Variants in RAI1 observed in about 807,000 individuals in gnomAD.
The protein encoded by RAI1 is retinoic acid induced 1.
RAI1 carries 9 observed loss-of-function variants against 123.8 expected under a neutral mutation model. That is an observed-to-expected ratio of 0.07 (90% CI 0.04 to 0.13). RAI1 has a LOEUF of 0.13. Ranked by LOEUF, RAI1 falls within the 10% of genes least tolerant of loss-of-function variation. The pLI is 1.00. For missense variants in RAI1, 2,256 were observed against 2,545.8 expected, an observed-to-expected ratio of 0.89 and a Z score of 2.45; for synonymous variants, 1,231 against 1,127.3, an observed-to-expected ratio of 1.09 and a Z score of -1.84.
chr17:17,776,126 C>A (rs529402605), intron 2 of RAI1, among the ~76,000 whole-genome samples: 11 of 152,332 alleles, frequency 7.2e-5, no homozygotes, highest in African/African-American at 1.4e-4. Context: ...TTGCAGGACG[C>A]AGGGGAGCTG....
chr17:17,747,529 C>G (rs2029974949), intron 2 of RAI1, among the ~76,000 whole-genome samples: 1 of 152,192 alleles, frequency 6.6e-6, no homozygotes, highest in African/African-American at 2.4e-5. Flanking sequence ...CCATCCTGGG[C>G]TGAGAACGAA....
At chr17:17,804,936 C>G (rs920828504) in intron 4 of RAI1, among the ~76,000 whole-genome samples, 2 of 152,100 alleles carry the variant, frequency 1.3e-5, no homozygotes, top group African/African-American at 4.8e-5. Flanking sequence ...GATCTTGGCT[C>G]ACTGCAACCT....
chr17:17,783,268 G>C (rs1274530661), intron 2 of RAI1, among the ~76,000 whole-genome samples: 2 of 152,052 alleles, frequency 1.3e-5, no homozygotes, highest in African/African-American at 4.8e-5. Flanking sequence ...GGCGCCCTTC[G>C]CCGGCGGAGA....
At chr17:17,756,237 G>A (rs1395360147) in intron 2 of RAI1, among the ~76,000 whole-genome samples, 3 of 148,492 alleles carry the variant, frequency 2.0e-5, no homozygotes, top group Non-Finnish European at 3.0e-5. Context: ...TGCTCTTGTT[G>A]CCCAGGCTGG....
intron 1 of RAI1, among the ~76,000 whole-genome samples, chr17:17,708,313 CCT>C (rs988880828): frequency 3.3e-5 from 5 of 152,082 alleles, no homozygotes; most frequent in African/African-American, 1.2e-4. Context: ...CTTAGCAAGC[CCT>C]TTTTTCTCCA....
chr17:17,766,947 T>G (rs1598064542), intron 2 of RAI1, among the ~76,000 whole-genome samples: 3 of 112,072 alleles, frequency 2.7e-5, no homozygotes, highest in Admixed American at 9.7e-5. Context: ...GAGGGTGGGG[T>G]GGTGTGAGTC....
chr17:17,725,135 TG>T (rs905138854), intron 2 of RAI1, among the ~76,000 whole-genome samples: 5 of 22,178 alleles, frequency 2.3e-4, no homozygotes, highest in African/African-American at 9.9e-4. Context: ...GGGAGGGGGC[TG>T]GGGGGTGGGC....
At chr17:17,687,280 C>A (rs377059736) in intron 1 of RAI1, among the ~76,000 whole-genome samples, 1 of 152,130 alleles carries the variant, frequency 6.6e-6, no homozygotes, top group East Asian at 1.9e-4. Flanking sequence ...ATGTGTTAGG[C>A]ACTATGGTGG....
chr17:17,696,457 A>G (rs140291370), intron 1 of RAI1, among the ~76,000 whole-genome samples: 2,330 of 152,256 alleles, frequency 0.015, 58 homozygotes, highest in African/African-American at 0.053. Flanking sequence ...CTGTTTAGGT[A>G]TGCCATCATT....
At chr17:17,695,401 G>A (rs149956304) in intron 1 of RAI1, among the ~76,000 whole-genome samples, 4 of 152,096 alleles carry the variant, frequency 2.6e-5, no homozygotes, top group Non-Finnish European at 4.4e-5. Flanking sequence ...CGGGCACCCC[G>A]CCTGCCCTGG....
In RAI1 at chr17:17,793,313, G is replaced by T; in HGVS notation, c.365G>T (p.Gly122Val). ...GGTGAGGAGAGCCTTCAGGCTTGGG[G>T]GGCCCCACAGCCACCACCCCCACAG... is the stretch of plus-strand genomic sequence containing the variant. ...YAGEESLQAW[G>V]APQPPPPQPQ... Residue 122 changes from glycine (G) to valine (V), a missense_variant, in exon 3 of 6, where the codon GGG (glycine) becomes GTG (valine). Gly to Val is a moderately radical substitution (Grantham distance 109). Coordinates refer to ENST00000353383, the MANE Select transcript of RAI1 (RefSeq NM_030665.4). 1 of 1,612,460 alleles carries T rather than the reference G, an allele frequency of 6.2e-7. No individual in the cohort carries two copies. The highest frequency in any genetic ancestry group is 8.5e-7 in the Non-Finnish European group (1 of 1,179,736).
In RAI1 at chr17:17,792,382, G is replaced by A. The variant is rs564413412; in HGVS notation, c.-16-551G>A. On this transcript the variant is annotated intron_variant, in intron 2 of 5. Transcript: ENST00000353383. ...ATGCTTGTGTGCACGCATGTGCGTG[G>A]GGACAGGGGCAGACCCTCCTCAGTC... Among the ~76,000 whole-genome samples, 904 of 152,262 alleles carry A rather than the reference G, an allele frequency of 5.9e-3. 7 individuals are homozygous for A. The highest frequency in any genetic ancestry group is 0.01 in the Non-Finnish European group (703 of 68,016).
intron 1 of RAI1, among the ~76,000 whole-genome samples, chr17:17,709,841 C>T (rs1567838955): frequency 6.6e-6 from 1 of 152,270 alleles, no homozygotes; most frequent in East Asian, 1.9e-4. Flanking sequence ...TTTCATGGAG[C>T]CAGATAGAAT....
intron 1 of RAI1, among the ~76,000 whole-genome samples, chr17:17,721,435 C>CA (rs1361802182): frequency 1.3e-5 from 2 of 152,102 alleles, no homozygotes; most frequent in Admixed American, 1.3e-4. Context: ...AACAGCATTC[C>CA]AGGCAGATGG....
At position 17,767,863 on chromosome 17, in the gene RAI1, A is replaced by C. The variant is rs116721784; in HGVS notation, c.-16-25070A>C. ...GTGGCAGGGTGGGCACAGGGCTGGC[A>C]CTGCCACCAAGTACGTAGTTGAGCC... On this transcript the variant is annotated intron_variant, in intron 2 of 5. Coordinates refer to ENST00000353383, the MANE Select transcript of RAI1 (RefSeq NM_030665.4). Among the ~76,000 whole-genome samples the C allele has an allele frequency of 7.4e-3, 1,130 of 152,166 alleles. 12 individuals are homozygous for C. The highest frequency in any genetic ancestry group is 0.026 in the African/African-American group (1,074 of 41,516).
At chr17:17,784,967 G>A (rs890352219) in intron 2 of RAI1, among the ~76,000 whole-genome samples, 3 of 152,048 alleles carry the variant, frequency 2.0e-5, no homozygotes, top group Non-Finnish European at 4.4e-5. Flanking sequence ...ACATAGTTAA[G>A]CCCTTCTTCC....
Position 17,793,663 on chromosome 17 carries a change from T to A in RAI1, c.715T>A (p.Cys239Ser). Reference protein sequence around the residue: ...GGQGAHSYKSCTAPTAQPHDR... With the variant: ...GGQGAHSYKSSTAPTAQPHDR... ...GCAGGGGGCCCACTCCTATAAGAGT[T>A]GCACAGCACCGACTGCCCAGCCCCA... The change falls in exon 3 of 6, where the codon TGC becomes AGC. Residue 239 changes from cysteine to serine, a missense_variant. By Grantham distance (112) the Cys-to-Ser change is moderately radical. Coordinates refer to ENST00000353383, the MANE Select transcript of RAI1 (RefSeq NM_030665.4). 6.2e-7 allele frequency: 1 copy of A among 1,613,122 alleles called. No individual in the cohort carries two copies. Among genetic ancestry groups the A allele is most frequent in the Non-Finnish European group, 8.5e-7 (1 of 1,180,016 alleles).
chr17:17,759,717 C>T (rs988422881), intron 2 of RAI1, among the ~76,000 whole-genome samples: 1 of 152,238 alleles, frequency 6.6e-6, no homozygotes, highest in Admixed American at 6.5e-5. Context: ...CGGTGCTTGT[C>T]TTCAAGGGCA....
At chr17:17,717,711 T>C (rs1320541674) in intron 1 of RAI1, among the ~76,000 whole-genome samples, 2 of 152,086 alleles carry the variant, frequency 1.3e-5, no homozygotes, top group Non-Finnish European at 2.9e-5. Flanking sequence ...TTGCCTCTTT[T>C]AAGTTCAGCA....
Sources: allele counts gnomAD v4.1 joint callset (sites outside exome capture counted in the v4.1 genomes callset), GRCh38; gene constraint gnomAD v4.1.1; transcripts MANE v1.5; gene names NCBI Gene and HGNC (gene_info 2026-07-23, HGNC 2026-07-21).